The following WWP2 variants were observed in gnomAD, a reference collection of about 807,000 sequenced individuals.
WWP2 encodes the protein WW domain containing E3 ubiquitin protein ligase 2, also known as NEDD4-like E3 ubiquitin-protein ligase WWP2.
WWP2 carries 57 observed loss-of-function variants against 121.0 expected under a neutral mutation model. The ratio of observed to expected loss-of-function variants is 0.47; its 90% CI spans 0.38 to 0.59. WWP2 has a LOEUF of 0.59. Ranked by LOEUF, WWP2 falls within the 20% of genes least tolerant of loss-of-function variation. The pLI is 0.00. For missense variants in WWP2, 962 were observed against 1,158.9 expected, an observed-to-expected ratio of 0.83 and a Z score of 2.47; for synonymous variants, 449 against 441.3, an observed-to-expected ratio of 1.02 and a Z score of -0.22.
chr16:69,901,995 C>G (rs140731064), intron 8 of WWP2, among the ~76,000 whole-genome samples: 1 of 152,160 alleles, frequency 6.6e-6, no homozygotes, highest in Non-Finnish European at 1.5e-5. Flanking sequence ...AAAATTCACT[C>G]GAACTCTTTG....
At chr16:69,890,429 C>G (rs2058005263) in intron 8 of WWP2, among the ~76,000 whole-genome samples, 1 of 152,058 alleles carries the variant, frequency 6.6e-6, no homozygotes. Flanking sequence ...GCTCACTAAT[C>G]AATTGCTTTG....
chr16:69,862,314 C>T (rs540542736), intron 6 of WWP2, among the ~76,000 whole-genome samples: 1 of 152,210 alleles, frequency 6.6e-6, no homozygotes, highest in African/African-American at 2.4e-5. Context: ...ATCCACTCAC[C>T]TCGGCCTCCC....
At chr16:69,913,032 T>A (rs1299815636) in intron 9 of WWP2, among the ~76,000 whole-genome samples, 2 of 74,184 alleles carry the variant, frequency 2.7e-5, no homozygotes, top group South Asian at 5.1e-4. Flanking sequence ...TTTTTTTTTT[T>A]TTTTTTTTGA....
In WWP2 at chr16:69,763,104, G is replaced by T. The variant is rs548023628; in HGVS notation, c.-16+713G>T. ...TTAAAAAAATAAGTGTGGGCACTTT[G>T]CCTGTAAAATGGCTTTTAGCTTACA... On this transcript the variant is annotated intron_variant, in intron 1 of 23. Transcript: ENST00000359154. Among the ~76,000 whole-genome samples the T allele has an allele frequency of 1.1e-4, 17 of 152,308 alleles. 1 individual carries two copies. The highest frequency in any genetic ancestry group is 4.1e-4 in the African/African-American group (17 of 41,568).
At chr16:69,931,614 C>T (rs1385775756) in intron 15 of WWP2, 34 bp downstream of exon 15, 6 of 1,613,002 alleles carry the variant, frequency 3.7e-6, no homozygotes, top group South Asian at 1.1e-5. Flanking sequence ...AGTGGCAGGC[C>T]GACGCCCTCC....
chr16:69,785,493 A>G lies in WWP2; in HGVS notation c.-15-1503A>G, dbSNP rs145100936. Among the ~76,000 whole-genome samples the G allele has an allele frequency of 8.5e-3, 1,299 of 152,330 alleles. 20 individuals carry two copies. The highest frequency in any genetic ancestry group is 0.03 in the African/African-American group (1,246 of 41,574). On this transcript the variant is annotated intron_variant, in intron 1 of 23. Transcript: ENST00000359154. ...GAAAATCTGCAGAACTCAATGAACC[A>G]ATATTTTTCAAATGTCAAATGATGA...
chr16:69,884,082 T>C (rs146555975), intron 7 of WWP2, among the ~76,000 whole-genome samples: 43 of 152,376 alleles, frequency 2.8e-4, no homozygotes, highest in African/African-American at 1.0e-3. Context: ...ACTGTTGTGT[T>C]TCTTGCGGTT....
Position 69,778,092 on chromosome 16 carries a change from C to CAT in WWP2, c.-15-8903_-15-8902insTA, listed in dbSNP as rs1312308558. On this transcript the variant is annotated intron_variant, in intron 1 of 23. Transcript: ENST00000359154. ...TCTCAAATATATATATATATATATA[C>CAT]ACACACACACACACATGTATATACA... is the stretch of plus-strand genomic sequence containing the variant. Among the ~76,000 whole-genome samples, 1,242 of 135,972 alleles carry CAT rather than the reference C, an allele frequency of 9.1e-3. 15 individuals carry two copies. The highest frequency in any genetic ancestry group is 0.081 in the Middle Eastern group (22 of 270). The allele number at this position is 135,972 out of a possible 152,430, so 89.2% of individuals were successfully genotyped here.
chr16:69,798,606 G>A (rs2056096958), intron 2 of WWP2, 76 bp from the exon 3 acceptor site: 2 of 1,488,122 alleles, frequency 1.3e-6, no homozygotes, highest in Non-Finnish European at 1.8e-6. Flanking sequence ...ACTAAAAAGA[G>A]CCGGAACATC....
At chr16:69,868,462 T>C (rs754846385) in intron 6 of WWP2, among the ~76,000 whole-genome samples, 57 of 152,268 alleles carry the variant, frequency 3.7e-4, no homozygotes, top group Non-Finnish European at 6.5e-4. Context: ...GAGTTGATCA[T>C]GGACATGTCT....
In WWP2 at chr16:69,925,311, C is replaced by T. The variant is rs1201276378; in HGVS notation, c.1180-119C>T. The T allele has an allele frequency of 3.3e-6, 5 of 1,526,510 alleles. No homozygotes were observed. The Admixed American group carries it at 9.6e-5, about 29-fold the overall frequency. The allele number at this position is 1,526,510 out of a possible 1,614,324, so 94.6% of individuals were successfully genotyped here. On this transcript the variant is annotated intron_variant, in intron 10 of 23. Transcript: ENST00000359154. This position sits in a 1 kb window ranked among gnomAD's most constrained non-coding sequence, Gnocchi z 4.0. ...GCCACCTAAAGTCCCACTGCATTCC[C>T]TGCAAAGCGCTCAAATGTGGAAGCC...
At chr16:69,887,634 G>T (rs1218250258) in intron 7 of WWP2, among the ~76,000 whole-genome samples, 1 of 152,112 alleles carries the variant, frequency 6.6e-6, no homozygotes, top group Non-Finnish European at 1.5e-5. Context: ...TCGAACTCCT[G>T]ACCTCAAGTG....
intron 9 of WWP2, among the ~76,000 whole-genome samples, chr16:69,913,196 T>G (rs2058426949): frequency 1.8e-5 from 1 of 57,072 alleles, no homozygotes; most frequent in African/African-American, 1.4e-4. Context: ...AGCTAATTCT[T>G]GTAATTTTTT....
In WWP2 at chr16:69,799,966, C is replaced by T. The variant is rs556447130; in HGVS notation, c.340+671C>T. Among the ~76,000 whole-genome samples the T allele has an allele frequency of 1.6e-4, 23 of 147,942 alleles. 1 individual carries two copies. In the South Asian group the frequency reaches 4.6e-3, roughly 30 times the overall value. ...CTATTCAGAGCAGTACCATATGTGG[C>T]GAATGAATGGCATGGAAAGAAAGGC... On this transcript the variant is annotated intron_variant, in intron 4 of 23. Transcript: ENST00000359154. The surrounding 1 kb of genome is among the most constrained non-coding windows in gnomAD (Gnocchi z 4.5).
At chr16:69,910,850 G>A (rs2058369175) in intron 9 of WWP2, among the ~76,000 whole-genome samples, 2 of 152,178 alleles carry the variant, frequency 1.3e-5, no homozygotes, top group South Asian at 4.1e-4. Context: ...AGGTGTTGAG[G>A]TGGGACACTA....
chr16:69,860,819 T>C lies in WWP2; in HGVS notation c.576-10985T>C, dbSNP rs1360870139. 2.0e-5 allele frequency among the ~76,000 whole-genome samples: 3 copies of C among 146,974 alleles called. No homozygotes were observed. In the Admixed American group the frequency reaches 2.1e-4, roughly 10 times the overall value. On this transcript the variant is annotated intron_variant, in intron 6 of 23. Coordinates refer to ENST00000359154, the MANE Select transcript of WWP2 (RefSeq NM_001270454.2). The stretch of plus-strand genomic sequence containing the variant: ...GAGTTTGAGACCAGCCAGGACAACA[T>C]AGCAAGACTCGATCTCTAGTTAAAA...
intron 7 of WWP2, among the ~76,000 whole-genome samples, chr16:69,878,584 A>G (rs1270497074): frequency 2.0e-5 from 3 of 151,812 alleles, no homozygotes; most frequent in South Asian, 2.1e-4. Context: ...CCGGTCTCCA[A>G]CTCCTGGCTT....
chr16:69,853,689 C>G (rs2057259544), intron 6 of WWP2, among the ~76,000 whole-genome samples: 1 of 152,080 alleles, frequency 6.6e-6, no homozygotes, highest in Non-Finnish European at 1.5e-5. Context: ...GATGACTAGC[C>G]TTGGGCAGTA....
intron 4 of WWP2, among the ~76,000 whole-genome samples, chr16:69,815,279 G>C (rs745874078): frequency 2.0e-5 from 3 of 152,062 alleles, no homozygotes; most frequent in Non-Finnish European, 4.4e-5. Context: ...CTGGGATTAC[G>C]GGCGTGAGCC....
Sources: gnomAD v4.1 joint callset for allele counts (sites outside exome capture counted in the v4.1 genomes callset) on GRCh38, gnomAD v4.1.1 for gene constraint, Gnocchi (gnomAD v3.1) non-coding constraint, MANE v1.5 for transcripts, NCBI Gene and HGNC (gene_info 2026-07-23, HGNC 2026-07-21) for gene names.